RARB: variants seen among roughly 807,000 people sequenced by gnomAD.
RARB encodes the protein HBV-activated protein.
RARB carries 17 observed loss-of-function variants against 51.9 expected under a neutral mutation model. That is an observed-to-expected ratio of 0.33 (90% CI 0.22 to 0.49). The LOEUF is 0.49. RARB is among the 20% of genes least tolerant of loss of function. RARB has a pLI of 0.99. For synonymous variants in RARB, 215 were observed against 195.4 expected, an observed-to-expected ratio of 1.10 and a Z score of -0.84; for missense variants, 369 against 550.8, an observed-to-expected ratio of 0.67 and a Z score of 3.30.
At chr3:25,517,611 G>C (rs1310599195) in intron 3 of RARB, among the ~76,000 whole-genome samples, 2 of 152,084 alleles carry the variant, frequency 1.3e-5, no homozygotes, top group African/African-American at 4.8e-5. Flanking sequence ...TAAACAGAGA[G>C]TTATTATGGG....
intron 5 of RARB, among the ~76,000 whole-genome samples, chr3:25,386,714 C>T (rs1706805107): frequency 6.6e-6 from 1 of 152,100 alleles, no homozygotes. Flanking sequence ...TATGAGGAAC[C>T]ATGCTTTGAT....
chr3:25,057,016 C>A (rs1039008889), intron 2 of RARB, among the ~76,000 whole-genome samples: 2 of 152,042 alleles, frequency 1.3e-5, no homozygotes, highest in African/African-American at 2.4e-5. Flanking sequence ...TGGTGGCACT[C>A]CCCAGTATGT....
rs145713214 is a variant in RARB at position 25,074,741 on chromosome 3, C to T, written c.-328+14565C>T. Among the ~76,000 whole-genome samples the T allele has an allele frequency of 6.9e-4, 105 of 152,250 alleles. 1 individual carries two copies. The highest frequency in any genetic ancestry group is 1.5e-3 in the Admixed American group (23 of 15,298). ...GTACCACTGAGAAATGGAGATGAAA[C>T]AGATACCAAGGAAAATGTGATTCCT... On this transcript the variant is annotated intron_variant, in intron 3 of 11. Transcript: ENST00000383772.
At chr3:25,295,546 T>A (rs1035900388) in intron 5 of RARB, among the ~76,000 whole-genome samples, 1 of 152,210 alleles carries the variant, frequency 6.6e-6, no homozygotes, top group African/African-American at 2.4e-5. Flanking sequence ...CTGGACAAAC[T>A]AAGACATTAA....
At chr3:25,358,455 AT>A (rs1553607177) in intron 5 of RARB, among the ~76,000 whole-genome samples, 1 of 152,092 alleles carries the variant, frequency 6.6e-6, no homozygotes, top group Non-Finnish European at 1.5e-5. Flanking sequence ...CTCTCTTCCT[AT>A]TTCAAAACCC....
intron 5 of RARB, among the ~76,000 whole-genome samples, chr3:25,364,438 A>G (rs1462029604): frequency 6.6e-6 from 1 of 152,242 alleles, no homozygotes; most frequent in Non-Finnish European, 1.5e-5. Flanking sequence ...GCAAATTTAC[A>G]CAAAATGTGG....
At chr3:24,854,189 G>C (rs759798428) in intron 1 of RARB, among the ~76,000 whole-genome samples, 1 of 152,202 alleles carries the variant, frequency 6.6e-6, no homozygotes, top group South Asian at 2.1e-4. Context: ...TGTTAGGCCT[G>C]CCAGGGCAAA....
chr3:24,926,845 T>C (rs1228500672), intron 2 of RARB, among the ~76,000 whole-genome samples: 2 of 152,104 alleles, frequency 1.3e-5, no homozygotes, highest in Non-Finnish European at 2.9e-5. Context: ...AAATGAGGTT[T>C]AATATATACT....
intron 5 of RARB, among the ~76,000 whole-genome samples, chr3:25,252,412 G>T (rs1702747438): frequency 6.6e-6 from 1 of 152,144 alleles, no homozygotes; most frequent in Non-Finnish European, 1.5e-5. Flanking sequence ...GATAGGGGTT[G>T]TATTGAATCT....
chr3:25,221,051 A>T (rs956525939), intron 5 of RARB, among the ~76,000 whole-genome samples: 1 of 152,102 alleles, frequency 6.6e-6, no homozygotes, highest in Non-Finnish European at 1.5e-5. Context: ...TTGCAAATCT[A>T]TTCTTTCTTA....
chr3:25,580,017 A>G (rs980376316), intron 4 of RARB, among the ~76,000 whole-genome samples: 1 of 152,224 alleles, frequency 6.6e-6, no homozygotes, highest in Non-Finnish European at 1.5e-5. Context: ...GCATACAGAG[A>G]TACTTCCTCT....
rs188179794 is a variant in RARB at position 25,193,576 on chromosome 3, T to C, written c.178+19001T>C. On this transcript the variant is annotated intron_variant, in intron 5 of 11. Transcript: ENST00000383772. Reference sequence around the variant, plus strand: ...TAAGCAATAAACTTGTCATAAAAAATAGTAGAAATTATCAAATTTTATTGT... The same window carrying C: ...TAAGCAATAAACTTGTCATAAAAAACAGTAGAAATTATCAAATTTTATTGT... Among the ~76,000 whole-genome samples, 4 of 152,164 alleles carry C rather than the reference T, an allele frequency of 2.6e-5. No homozygotes were observed. In the East Asian group the frequency reaches 7.7e-4, roughly 29 times the overall value.
intron 3 of RARB, among the ~76,000 whole-genome samples, chr3:25,061,895 T>G (rs1698558611): frequency 6.6e-6 from 1 of 151,740 alleles, no homozygotes; most frequent in Non-Finnish European, 1.5e-5. Context: ...TTTAAATAAT[T>G]AAAACATTTT....
intron 2 of RARB, among the ~76,000 whole-genome samples, chr3:24,955,601 A>G (rs1199867478): frequency 2.0e-5 from 3 of 152,208 alleles, no homozygotes; most frequent in South Asian, 2.1e-4. Context: ...AGGCAGATTA[A>G]TAGGAGAAAA....
rs2125555579 is a variant in RARB, at chr3:25,461,296, A to G, written c.261A>G (p.Lys87=). The part of the protein sequence containing the change: ...VYKPCFVCQD[K]SSGYHYGVSA... ...AACCCTGCTTCGTCTGCCAGGACAA[A>G]TCATCAGGGTACCACTATGGGGTCA... Residue 87 remains lysine (K), a synonymous_variant, in exon 2 of 8, where the codon AAA becomes AAG. Transcript: ENST00000330688. 1.2e-6 allele frequency: 2 copies of G among 1,613,568 alleles called. No homozygotes were observed. Among genetic ancestry groups the G allele is most frequent in the Non-Finnish European group, 1.7e-6 (2 of 1,179,908 alleles).
intron 5 of RARB, among the ~76,000 whole-genome samples, chr3:25,343,024 TTGTGTGTGTG>T (rs6147737): frequency 0.025 from 3,265 of 132,120 alleles, 66 homozygotes; most frequent in East Asian, 0.071. Context: ...TGCAAGTACT[TTGTGTGTGTG>T]TGTGTGTGTG....
chr3:25,557,958 G>C (rs1700127908), intron 3 of RARB, among the ~76,000 whole-genome samples: 1 of 152,108 alleles, frequency 6.6e-6, no homozygotes, highest in South Asian at 2.1e-4. Flanking sequence ...CCAGCCTTTG[G>C]TTAGCTCAAG....
chr3:25,157,672 C>T (rs1575186722), intron 4 of RARB, among the ~76,000 whole-genome samples: 1 of 152,204 alleles, frequency 6.6e-6, no homozygotes, highest in East Asian at 1.9e-4. Flanking sequence ...GCTGGGATTA[C>T]AGGTGGAAGC....
intron 2 of RARB, among the ~76,000 whole-genome samples, chr3:24,925,798 A>C (rs937845913): frequency 2.6e-5 from 4 of 152,100 alleles, no homozygotes; most frequent in African/African-American, 9.7e-5. Flanking sequence ...TGCCTACAAA[A>C]TACCTTTCAC....
Sources: allele counts gnomAD v4.1 joint callset (sites outside exome capture counted in the v4.1 genomes callset), GRCh38; gene constraint gnomAD v4.1.1; transcripts MANE v1.5; gene names NCBI Gene and HGNC (gene_info 2026-07-23, HGNC 2026-07-21).